Variants in DPP7 observed in about 807,000 individuals in gnomAD.
The protein encoded by DPP7 is dipeptidyl peptidase 2.
In DPP7, 74 loss-of-function variants were observed where a neutral mutation model predicts 58.8. That is an observed-to-expected ratio of 1.26 (90% CI 1.04 to 1.53). The LOEUF is 1.53. Among genes scored for constraint, DPP7 ranks in the 40% most tolerant of loss-of-function variants. DPP7 has a pLI of 0.00. For synonymous variants in DPP7, 350 were observed against 303.6 expected (o/e 1.15, Z -1.59); for missense variants, 807 against 692.3 (o/e 1.17, Z -1.86).
chr9:137,116,272 G>C (rs187271121), upstream of DPP7, among the ~76,000 whole-genome samples: 3 of 152,254 alleles, frequency 2.0e-5, no homozygotes, highest in Admixed American at 6.5e-5. Context: ...TCTGCCAGGG[G>C]TGAGGGTGGC....
In DPP7 at chr9:137,113,017, A is replaced by T. The variant is rs1199287720; in HGVS notation, c.806T>A (p.Leu269Gln). The change falls in exon 7 of 13, where the codon CTG (leucine) becomes CAG (glutamine). Residue 269 changes from leucine to glutamine, a missense_variant. Physicochemically the swap from Leu to Gln is moderately radical, Grantham distance 113. Coordinates refer to ENST00000371579, the MANE Select transcript of DPP7 (RefSeq NM_013379.3). ...GGGGTAGGGGTAGTCCATCATGGCC[A>T]GCACGGTGAAGGCATTCCGGGCGAA... ...FMFARNAFTV[L>Q]AMMDYPYPTD... 6.2e-7 allele frequency: 1 copy of T among 1,613,810 alleles called. No individual in the cohort carries two copies. The highest frequency in any genetic ancestry group is 8.5e-7 in the Non-Finnish European group (1 of 1,180,020).
In DPP7 at chr9:137,110,905, C is replaced by A; in HGVS notation, c.1318G>T (p.Gly440Trp). Reference sequence around the variant, plus strand: ...CTGAGGTCGAGGTGGTGCGCTCCCCCCTGGATGGTGACGGCGATGACTGAG... The same window carrying A: ...CTGAGGTCGAGGTGGTGCGCTCCCCACTGGATGGTGACGGCGATGACTGAG... ...SASVIAVTIQ[G>W]GAHHLDLRAS... The change falls in exon 12 of 13, where the codon GGG (glycine) becomes TGG (tryptophan). Residue 440 changes from glycine (G) to tryptophan (W), a missense_variant. By Grantham distance (184) the Gly-to-Trp change is radical. Transcript: ENST00000371579. 3.7e-6 allele frequency: 6 copies of A among 1,612,990 alleles called. No homozygotes were observed. The highest frequency in any genetic ancestry group is 2.2e-5 in the East Asian group (1 of 44,866).
chr9:137,117,883 G>A (rs1210370271), upstream of DPP7, among the ~76,000 whole-genome samples: 1 of 151,986 alleles, frequency 6.6e-6, no homozygotes, highest in Non-Finnish European at 1.5e-5. Flanking sequence ...AGAAACTGTA[G>A]CCATTAAACA....
At chr9:137,115,477 C>T (rs1831607983), upstream of DPP7, among the ~76,000 whole-genome samples, 1 of 152,172 alleles carries the variant, frequency 6.6e-6, no homozygotes, top group South Asian at 2.1e-4. Flanking sequence ...GGGTGCCAGA[C>T]TAGCTACGTG....
upstream of DPP7, chr9:137,114,869 C>T (rs1325679666): frequency 8.9e-6 from 4 of 447,854 alleles, no homozygotes; most frequent in Admixed American, 4.7e-5. Flanking sequence ...CAACACCCCG[C>T]GCCCCGCGGC....
At chr9:137,116,807 T>A (rs1040674586), upstream of DPP7, among the ~76,000 whole-genome samples, 2 of 152,242 alleles carry the variant, frequency 1.3e-5, no homozygotes, top group Non-Finnish European at 2.9e-5. Context: ...ATTAGTTCTA[T>A]TCTGAGACAG....
chr9:137,111,935 C>T lies in DPP7; in HGVS notation c.1145G>A (p.Cys382Tyr). ...PFTDELRQRY[C>Y]LDTWGVWPRP... Reference sequence around the variant, plus strand: ...GGGCCACACGCCCCAGGTGTCCAGGCAGTACCGCTGGCGGAGCTCGTCAGT... The same window carrying T: ...GGGCCACACGCCCCAGGTGTCCAGGTAGTACCGCTGGCGGAGCTCGTCAGT... The change falls in exon 10 of 13, where the codon TGC becomes TAC. Residue 382 changes from cysteine (C) to tyrosine (Y), a missense_variant. Physicochemically the swap from Cys to Tyr is radical, Grantham distance 194 (BLOSUM62 -2). This residue lies in a region of DPP7 where 624 missense variants were observed against 531.2 expected (regional missense o/e 1.17). Transcript: ENST00000371579. 6.2e-7 allele frequency: 1 copy of T among 1,604,972 alleles called. No homozygotes were observed. The highest frequency in any genetic ancestry group is 8.5e-7 in the Non-Finnish European group (1 of 1,174,988).
At chr9:137,116,211 G>A (rs905503936), upstream of DPP7, among the ~76,000 whole-genome samples, 1 of 152,172 alleles carries the variant, frequency 6.6e-6, no homozygotes, top group Non-Finnish European at 1.5e-5. Flanking sequence ...CTGGGCAGCA[G>A]CCAGGGCCTC....
Position 137,114,212 on chromosome 9 carries a change from G to GA in DPP7, c.321+30dup, listed in dbSNP as rs1831530783. 6.0e-6 allele frequency: 5 copies of GA among 833,190 alleles called. No individual in the cohort carries two copies. In the African/African-American group the frequency reaches 2.5e-4, roughly 41 times the overall value. The allele number at this position is 833,190 out of a possible 1,614,324, so 51.6% of individuals were successfully genotyped here. ...CCCGCCCGGCACCCACGTGCCCCGC[G>GA]ACCCCGCCCGCGACCCCGCCCGGCA... On this transcript the variant is annotated intron_variant, in intron 3 of 12. Transcript: ENST00000371579.
intron 7 of DPP7, 37 bp from the exon 8 acceptor site, chr9:137,112,842 C>T (rs369048728): frequency 3.7e-6 from 6 of 1,604,246 alleles, no homozygotes; most frequent in Admixed American, 1.7e-5. Context: ...AGCGGGGTCC[C>T]CTCCACCAGC....
Position 137,111,882 on chromosome 9 carries a change from A to T in DPP7, c.1198T>A (p.Trp400Arg), listed in dbSNP as rs1588662914. 1 of 1,054,674 alleles carries T rather than the reference A, an allele frequency of 9.5e-7. No individual in the cohort carries two copies. Among genetic ancestry groups the T allele is most frequent in the Non-Finnish European group, 1.4e-6 (1 of 730,782 alleles). 65.3% of individuals were successfully genotyped at this position (1,054,674 alleles called of 1,614,324 possible). Reference sequence around the variant, plus strand: ...CCCCCCTCAGCCTTACCACCCCCCCAGAAGCTGGTCAGCAGCCAGTCGGGC... The same window carrying T: ...CCCCCCTCAGCCTTACCACCCCCCCTGAAGCTGGTCAGCAGCCAGTCGGGC... Reference protein sequence around the residue: ...PRPDWLLTSFWGGDLRAASNI... With the variant: ...PRPDWLLTSFRGGDLRAASNI... Residue 400 changes from tryptophan (W) to arginine (R), a missense_variant, in exon 10 of 13, where the codon TGG becomes AGG. Physicochemically the swap from Trp to Arg is moderately radical, Grantham distance 101. Around this residue, in one of 3 missense-constraint regions of DPP7, gnomAD observed 624 missense variants for 531.2 expected, o/e 1.17. Transcript: ENST00000371579.
Position 137,111,879 on chromosome 9 carries a change from C to G in DPP7, c.1201G>C (p.Gly401Arg), listed in dbSNP as rs753728877. 4 of 1,608,936 alleles carry G rather than the reference C, an allele frequency of 2.5e-6. No individual in the cohort carries two copies. The highest frequency in any genetic ancestry group is 3.4e-6 in the Non-Finnish European group (4 of 1,176,262). The change falls in exon 10 of 13, where the codon GGG becomes CGG. Residue 401 changes from glycine (G) to arginine (R), a missense_variant. Physicochemically the swap from Gly to Arg is moderately radical, Grantham distance 125. Around this residue, in one of 3 missense-constraint regions of DPP7, gnomAD observed 624 missense variants for 531.2 expected, o/e 1.17. Coordinates refer to ENST00000371579, the MANE Select transcript of DPP7 (RefSeq NM_013379.3). ...RPDWLLTSFW[G>R]GDLRAASNII... ...CACCCCCCCTCAGCCTTACCACCCC[C>G]CCAGAAGCTGGTCAGCAGCCAGTCG... is the stretch of plus-strand genomic sequence containing the variant.
At chr9:137,111,142 G>A (rs1302935229) in intron 11 of DPP7, among the ~76,000 whole-genome samples, 192 bp from the exon 12 acceptor site, 1 of 152,218 alleles carries the variant, frequency 6.6e-6, no homozygotes, top group African/African-American at 2.4e-5. Flanking sequence ...GACAGGAGCA[G>A]GGAAGGGGCA....
At chr9:137,110,978 G>C in intron 11 of DPP7, 28 bp from the exon 12 acceptor site, 1 of 1,609,448 alleles carries the variant, frequency 6.2e-7, no homozygotes, top group Non-Finnish European at 8.5e-7. Flanking sequence ...AACTCCATCA[G>C]GTGAGGAACG....
Position 137,111,721 on chromosome 9 carries a change from T to G in DPP7, c.1241A>C (p.Asn414Thr). The change falls in exon 11 of 13, where the codon AAC (asparagine) becomes ACC (threonine). Residue 414 changes from asparagine to threonine, a missense_variant. Around this residue, in one of 3 missense-constraint regions of DPP7, gnomAD observed 624 missense variants for 531.2 expected, o/e 1.17. Transcript: ENST00000371579. ...LRAASNIIFS[N>T]GNLDPWAGGG... ...CCCTGCCCAGGGGTCCAGGTTCCCG[T>G]TGGAGAAGATGATGTTGCTGGCGGC... 6.2e-7 allele frequency: 1 copy of G among 1,613,224 alleles called. No homozygotes were observed. Among genetic ancestry groups the G allele is most frequent in the Non-Finnish European group, 8.5e-7 (1 of 1,179,904 alleles).
At chr9:137,114,437 C>A (rs1178116453) in intron 2 of DPP7, 26 bp downstream of exon 2, 1 of 1,556,360 alleles carries the variant, frequency 6.4e-7, no homozygotes, top group Non-Finnish European at 8.7e-7. Flanking sequence ...ACGGCGGGGG[C>A]GGCCGGGCCG....
At position 137,110,944 on chromosome 9, in the gene DPP7, T is replaced by C. The variant is rs977341326; in HGVS notation, c.1279A>G (p.Arg427Gly). Reference sequence around the variant, plus strand: ...GCGATGACTGAGGCACTCAGGTTCCTCCGAATCTGTGGTCAGTGGAAAGAA... The same window carrying C: ...GCGATGACTGAGGCACTCAGGTTCCCCCGAATCTGTGGTCAGTGGAAAGAA... Reference protein sequence around the residue: ...LDPWAGGGIRRNLSASVIAVT... With the variant: ...LDPWAGGGIRGNLSASVIAVT... The change falls in exon 12 of 13, where the codon AGG becomes GGG. Residue 427 changes from arginine to glycine, a missense_variant. By Grantham distance (125) the Arg-to-Gly change is moderately radical. Transcript: ENST00000371579. 3 of 1,612,916 alleles carry C rather than the reference T, an allele frequency of 1.9e-6. No homozygotes were observed. Among genetic ancestry groups the C allele is most frequent in the South Asian group, 2.2e-5 (2 of 91,018 alleles).
intron 10 of DPP7, 39 bp from the exon 11 acceptor site, chr9:137,111,793 C>T (rs1204193957): frequency 1.5e-5 from 24 of 1,613,430 alleles, no homozygotes; most frequent in Middle Eastern, 1.7e-4. Flanking sequence ...GGGCCCCTCA[C>T]GGGGGCTGTG....
chr9:137,116,323 T>C (rs994722789), upstream of DPP7, among the ~76,000 whole-genome samples: 12 of 152,214 alleles, frequency 7.9e-5, no homozygotes, highest in Admixed American at 2.6e-4. Flanking sequence ...CAGAAACATA[T>C]GCTGTATGGA....
Sources: allele counts gnomAD v4.1 joint callset (sites outside exome capture counted in the v4.1 genomes callset), GRCh38; gene constraint gnomAD v4.1.1; regional missense constraint gnomAD v4.1.1; transcripts MANE v1.5; gene names NCBI Gene and HGNC (gene_info 2026-07-23, HGNC 2026-07-21).